KCNK1: variants seen among roughly 807,000 people sequenced by gnomAD.
KCNK1 encodes potassium channel subfamily K member 1.
KCNK1 carries 10 observed loss-of-function variants against 22.2 expected under a neutral mutation model. The ratio of observed to expected loss-of-function variants is 0.45; its 90% CI spans 0.28 to 0.76. The LOEUF is 0.76. Ranked by LOEUF, KCNK1 falls within the 30% of genes least tolerant of loss-of-function variation. The pLI is 0.14. For missense variants in KCNK1, 378 were observed against 421.0 expected (o/e 0.90, Z 0.89); for synonymous variants, 200 against 186.4 (o/e 1.07, Z -0.60).
At chr1:233,660,596 G>A (rs1658373254) in intron 1 of KCNK1, 1 of 152,170 alleles carries the variant, frequency 6.6e-6, no homozygotes, top group African/African-American at 2.4e-5. Flanking sequence ...CTTGATAGAT[G>A]TTTTGCTGAC....
chr1:233,614,734 C>A (rs1024978878), intron 1 of KCNK1, among the ~76,000 whole-genome samples: 2 of 152,100 alleles, frequency 1.3e-5, no homozygotes, highest in South Asian at 4.2e-4. Flanking sequence ...CTGGGTGACT[C>A]GGGAGGGCAA....
chr1:233,644,853 T>C (rs1008660085), intron 1 of KCNK1, among the ~76,000 whole-genome samples: 8 of 151,768 alleles, frequency 5.3e-5, no homozygotes, highest in African/African-American at 1.9e-4. Context: ...AATTTAAGAT[T>C]ACATTCTATT....
chr1:233,657,434 T>A (rs12402594), intron 1 of KCNK1, among the ~76,000 whole-genome samples: 31 of 152,306 alleles, frequency 2.0e-4, no homozygotes, highest in Admixed American at 1.8e-3. Flanking sequence ...GCTACCATGA[T>A]CTGCCCGCAG....
intron 1 of KCNK1, among the ~76,000 whole-genome samples, chr1:233,634,905 A>T (rs1294571064): frequency 6.6e-6 from 1 of 152,262 alleles, no homozygotes; most frequent in African/African-American, 2.4e-5. Context: ...AGAACACTTC[A>T]TCAAAGAAAT....
intron 1 of KCNK1, among the ~76,000 whole-genome samples, chr1:233,625,849 G>A (rs1571890278): frequency 6.6e-6 from 1 of 152,160 alleles, no homozygotes; most frequent in Admixed American, 6.5e-5. Flanking sequence ...ACCTATTGGA[G>A]GTGCAGCTAG....
intron 1 of KCNK1, among the ~76,000 whole-genome samples, chr1:233,628,001 G>T (rs1214124710): frequency 6.6e-6 from 1 of 152,214 alleles, no homozygotes; most frequent in Admixed American, 6.5e-5. Context: ...ACTATGTTTT[G>T]TGCGTTGACT....
chr1:233,624,115 A>G (rs1473578002), intron 1 of KCNK1: 1 of 154,208 alleles, frequency 6.5e-6, no homozygotes, highest in African/African-American at 2.4e-5. Flanking sequence ...TATTTACTCA[A>G]GTCGATGCCC....
intron 1 of KCNK1, among the ~76,000 whole-genome samples, chr1:233,647,318 G>T (rs935663275): frequency 1.3e-5 from 2 of 152,208 alleles, no homozygotes; most frequent in South Asian, 4.1e-4. Context: ...TGCTTCAGAC[G>T]TGAATGTCAG....
intron 1 of KCNK1, among the ~76,000 whole-genome samples, chr1:233,656,825 C>G (rs566838739): frequency 6.6e-6 from 1 of 152,126 alleles, no homozygotes. Flanking sequence ...ACTATGTTGA[C>G]TAGGGTGATC....
chr1:233,616,389 G>A (rs995537881), intron 1 of KCNK1, among the ~76,000 whole-genome samples: 4 of 152,250 alleles, frequency 2.6e-5, no homozygotes, highest in African/African-American at 7.2e-5. Flanking sequence ...TTAAAAATTA[G>A]TTTATAATCT....
intron 1 of KCNK1, among the ~76,000 whole-genome samples, chr1:233,632,939 T>A (rs1360947432): frequency 6.6e-6 from 1 of 152,128 alleles, no homozygotes; most frequent in Non-Finnish European, 1.5e-5. Flanking sequence ...ATCCTCTCTA[T>A]TCTCAGAAAT....
intron 1 of KCNK1, among the ~76,000 whole-genome samples, chr1:233,644,169 G>A (rs370550405): frequency 5.3e-5 from 8 of 152,226 alleles, no homozygotes; most frequent in South Asian, 4.2e-4. Flanking sequence ...GCAGAAGAGC[G>A]CTAGAATAAA....
intron 1 of KCNK1, among the ~76,000 whole-genome samples, chr1:233,654,038 G>A (rs1462997859): frequency 2.0e-5 from 3 of 152,082 alleles, no homozygotes; most frequent in Non-Finnish European, 2.9e-5. Flanking sequence ...GGCTCAGAAA[G>A]AAAAGAGGAG....
Position 233,666,745 on chromosome 1 carries a change from A to G in KCNK1, c.506A>G (p.His169Arg), listed in dbSNP as rs764093570. ...HVTRRPVLYF[H>R]IRWGFSKQVV... is the part of the protein sequence containing the mutation. Reference sequence around the variant, plus strand: ...ACCCGCAGGCCGGTCCTCTACTTCCACATCCGCTGGGGCTTCTCCAAGCAG... The same window carrying G: ...ACCCGCAGGCCGGTCCTCTACTTCCGCATCCGCTGGGGCTTCTCCAAGCAG... Residue 169 changes from histidine to arginine, a missense_variant, in exon 2 of 3, where the codon CAC (histidine) becomes CGC (arginine). Transcript: ENST00000366621. 6.2e-7 allele frequency: 1 copy of G among 1,614,044 alleles called. No individual in the cohort carries two copies. The highest frequency in any genetic ancestry group is 1.1e-5 in the South Asian group (1 of 91,056).
intron 1 of KCNK1, 108 bp downstream of exon 1, chr1:233,614,634 C>T: frequency 1.2e-6 from 1 of 842,742 alleles, no homozygotes; most frequent in Non-Finnish European, 1.8e-6. Context: ...CCACCCCCCA[C>T]CTTTCGCCAT....
At chr1:233,650,096 A>G (rs750438372) in intron 1 of KCNK1, 1 of 526,932 alleles carries the variant, frequency 1.9e-6, no homozygotes, top group Non-Finnish European at 3.9e-6. Flanking sequence ...CTAGAAGAGA[A>G]CTTTTAGGAG....
intron 1 of KCNK1, among the ~76,000 whole-genome samples, chr1:233,626,844 A>G (rs1657697302): frequency 6.6e-6 from 1 of 152,176 alleles, no homozygotes; most frequent in African/African-American, 2.4e-5. Context: ...TAACAGTAGG[A>G]TATTTAGTAT....
intron 1 of KCNK1, among the ~76,000 whole-genome samples, chr1:233,623,906 A>T (rs909556485): frequency 6.6e-6 from 1 of 152,106 alleles, no homozygotes; most frequent in South Asian, 2.1e-4. Context: ...AGCTTTCTTT[A>T]AAAAAAAGAA....
At chr1:233,631,886 C>T (rs1156495999) in intron 1 of KCNK1, among the ~76,000 whole-genome samples, 1 of 152,064 alleles carries the variant, frequency 6.6e-6, no homozygotes, top group African/African-American at 2.4e-5. Context: ...GGAAATGTCC[C>T]TGATTGAGAC....
Sources: allele counts gnomAD v4.1 joint callset (sites outside exome capture counted in the v4.1 genomes callset), GRCh38; gene constraint gnomAD v4.1.1; transcripts MANE v1.5; gene names NCBI Gene and HGNC (gene_info 2026-07-23, HGNC 2026-07-21).